NXPH2: variants seen among roughly 807,000 people sequenced by gnomAD.
NXPH2 encodes neurexophilin-2.
In NXPH2, 5 loss-of-function variants were observed where a neutral mutation model predicts 19.8. The observed-to-expected ratio is 0.25, with a 90% confidence interval of 0.13 to 0.53. The LOEUF (loss-of-function observed/expected upper bound fraction) is 0.53. NXPH2 is among the 20% of genes least tolerant of loss of function. The pLI is 0.96. For synonymous variants in NXPH2, 154 were observed against 127.4 expected, an observed-to-expected ratio of 1.21 and a Z score of -1.41; for missense variants, 289 against 322.8, an observed-to-expected ratio of 0.90 and a Z score of 0.80.
chr2:138,751,799 A>G (rs989159014), intron 1 of NXPH2, among the ~76,000 whole-genome samples: 1 of 152,086 alleles, frequency 6.6e-6, no homozygotes, highest in African/African-American at 2.4e-5. Flanking sequence ...TAATGTTATC[A>G]TATTTTTTCC....
At chr2:138,743,951 C>T (rs1438938743) in intron 1 of NXPH2, among the ~76,000 whole-genome samples, 1 of 132,464 alleles carries the variant, frequency 7.5e-6, no homozygotes, top group African/African-American at 2.8e-5. Flanking sequence ...TGCAGTGAGC[C>T]GAGATTGCGC....
At chr2:138,683,219 C>T (rs574159214) in intron 1 of NXPH2, among the ~76,000 whole-genome samples, 1 of 152,190 alleles carries the variant, frequency 6.6e-6, no homozygotes, top group African/African-American at 2.4e-5. Context: ...GAGTAAGTGA[C>T]TCAGCATGGC....
rs576397477 is a variant in NXPH2 at position 138,679,379 on chromosome 2, G to C, written c.52-7714C>G. ...ATTGACTCTTCACCTACGTGGCAGC[G>C]GGGGAGTAGGAGAGGCCTGAATTTT... is the stretch of plus-strand genomic sequence containing the variant. On this transcript the variant is annotated intron_variant, in intron 1 of 1. Coordinates refer to ENST00000272641, the MANE Select transcript of NXPH2 (RefSeq NM_007226.3). 3.2e-4 allele frequency among the ~76,000 whole-genome samples: 49 copies of C among 152,082 alleles called. 1 individual carries two copies. The South Asian group carries it at 9.8e-3, about 30-fold the overall frequency.
At chr2:138,770,467 G>C (rs1682160198) in intron 1 of NXPH2, among the ~76,000 whole-genome samples, 1 of 152,054 alleles carries the variant, frequency 6.6e-6, no homozygotes, top group Admixed American at 6.5e-5. Context: ...ATATTTTGAA[G>C]ATTCTATACA....
rs531066153 is a variant in NXPH2 at position 138,755,881 on chromosome 2, A to G, written c.51+24310T>C. ...TCTTGTAGTTTTTCACATATAGATC[A>G]TGTACATATTTTATAAGATTTATAC... On this transcript the variant is annotated intron_variant, in intron 1 of 1. Coordinates refer to ENST00000272641, the MANE Select transcript of NXPH2 (RefSeq NM_007226.3). Among the ~76,000 whole-genome samples the G allele has an allele frequency of 1.2e-3, 189 of 152,026 alleles. 1 individual carries two copies. Among genetic ancestry groups the G allele is most frequent in the African/African-American group, 4.5e-3 (185 of 41,504 alleles).
intron 1 of NXPH2, among the ~76,000 whole-genome samples, chr2:138,712,842 G>A (rs1212432298): frequency 1.3e-5 from 2 of 152,180 alleles, no homozygotes; most frequent in Non-Finnish European, 2.9e-5. Context: ...GATGGTCTAT[G>A]TCACACACGG....
chr2:138,707,337 A>G (rs1413527150), intron 1 of NXPH2, among the ~76,000 whole-genome samples: 1 of 152,172 alleles, frequency 6.6e-6, no homozygotes, highest in Non-Finnish European at 1.5e-5. Flanking sequence ...TCAAAGGAAA[A>G]GGTTTGATCC....
intron 1 of NXPH2, among the ~76,000 whole-genome samples, chr2:138,710,100 C>T (rs1297895168): frequency 6.6e-6 from 1 of 152,182 alleles, no homozygotes; most frequent in Non-Finnish European, 1.5e-5. Context: ...CCCCTGGTGA[C>T]TTACTTCCTG....
chr2:138,780,308 G>T lies in NXPH2; in HGVS notation c.-67C>A, dbSNP rs1047122069. On this transcript the variant is annotated 5_prime_UTR_variant, in exon 1 of 2. Coordinates refer to ENST00000272641, the MANE Select transcript of NXPH2 (RefSeq NM_007226.3). ...CCTGCCTCTCGCGCATCTCCACTTC[G>T]CGGGGCAGGACTGAGGACGCCAGGG... is the stretch of plus-strand genomic sequence containing the variant. 2 of 1,333,258 alleles carry T rather than the reference G, an allele frequency of 1.5e-6. No homozygotes were observed. Among genetic ancestry groups the T allele is most frequent in the African/African-American group, 1.6e-5 (1 of 64,332 alleles). The allele number at this position is 1,333,258 out of a possible 1,614,324, so 82.6% of individuals were successfully genotyped here. A position where few individuals can be genotyped will look rare whatever the true frequency, so the allele number is the denominator to read the frequency against.
intron 1 of NXPH2, among the ~76,000 whole-genome samples, chr2:138,687,041 G>A (rs960677780): frequency 6.6e-5 from 10 of 152,192 alleles, no homozygotes; most frequent in Admixed American, 1.3e-4. Flanking sequence ...ATAGCAGCAT[G>A]ATTTATAATT....
intron 1 of NXPH2, among the ~76,000 whole-genome samples, chr2:138,679,258 T>C (rs1680533358): frequency 1.3e-5 from 2 of 152,226 alleles, no homozygotes; most frequent in Admixed American, 1.3e-4. Flanking sequence ...GGTACTTTTG[T>C]TACTTACAGA....
At chr2:138,748,873 G>GT (rs1681783703) in intron 1 of NXPH2, among the ~76,000 whole-genome samples, 1 of 152,146 alleles carries the variant, frequency 6.6e-6, no homozygotes, top group Admixed American at 6.6e-5. Flanking sequence ...ATCAGCAAGC[G>GT]TAAGGGATGC....
chr2:138,732,109 A>T (rs989416458), intron 1 of NXPH2, among the ~76,000 whole-genome samples: 3 of 152,218 alleles, frequency 2.0e-5, no homozygotes, highest in African/African-American at 4.8e-5. Flanking sequence ...GCTCCAAGAT[A>T]CCTTGATTTA....
At chr2:138,737,772 TA>T (rs1657574470) in intron 1 of NXPH2, among the ~76,000 whole-genome samples, 1 of 152,120 alleles carries the variant, frequency 6.6e-6, no homozygotes, top group African/African-American at 2.4e-5. Context: ...TTGAGGCAAC[TA>T]AAAAAGTGGA....
At chr2:138,671,744 G>T in intron 1 of NXPH2, 79 bp from the exon 2 acceptor site, 1 of 1,383,850 alleles carries the variant, frequency 7.2e-7, no homozygotes, top group Non-Finnish European at 9.7e-7. Flanking sequence ...AAAGCGCAAG[G>T]GAAATTATTT....
At chr2:138,769,265 T>G (rs951596738) in intron 1 of NXPH2, among the ~76,000 whole-genome samples, 1 of 152,068 alleles carries the variant, frequency 6.6e-6, no homozygotes, top group Admixed American at 6.6e-5. Context: ...GGAAGAGAGT[T>G]TACAATGGGA....
At chr2:138,734,641 C>T (rs1173541436) in intron 1 of NXPH2, among the ~76,000 whole-genome samples, 1 of 152,100 alleles carries the variant, frequency 6.6e-6, no homozygotes, top group African/African-American at 2.4e-5. Context: ...CAGCAATAAG[C>T]CAGAGGGAGA....
At chr2:138,718,763 A>T (rs950182232) in intron 1 of NXPH2, among the ~76,000 whole-genome samples, 38 of 152,376 alleles carry the variant, frequency 2.5e-4, no homozygotes, top group African/African-American at 8.4e-4. Context: ...TCTGTAGTAA[A>T]TATTTATAAA....
chr2:138,714,356 C>T (rs1573963855), intron 1 of NXPH2, among the ~76,000 whole-genome samples: 1 of 152,052 alleles, frequency 6.6e-6, no homozygotes, highest in Non-Finnish European at 1.5e-5. Context: ...TTATTAAGCT[C>T]CTGTCCTATA....
Sources: allele counts gnomAD v4.1 joint callset (sites outside exome capture counted in the v4.1 genomes callset), GRCh38; gene constraint gnomAD v4.1.1; transcripts MANE v1.5; gene names NCBI Gene and HGNC (gene_info 2026-07-23, HGNC 2026-07-21).